The following ACSF3 variants were observed in gnomAD, a reference collection of about 807,000 sequenced individuals.
ACSF3 encodes the protein malonate--CoA ligase ACSF3, mitochondrial.
ACSF3 carries 78 observed loss-of-function variants against 53.2 expected under a neutral mutation model. The ratio of observed to expected loss-of-function variants is 1.47; its 90% CI spans 1.22 to 1.77. The LOEUF is 1.77. ACSF3 is among the 40% of genes most tolerant of loss of function. The pLI is 0.00. For missense variants in ACSF3, 937 were observed against 771.1 expected, an observed-to-expected ratio of 1.22 and a Z score of -2.55; for synonymous variants, 414 against 333.1, an observed-to-expected ratio of 1.24 and a Z score of -2.65.
chr16:89,093,867 T>G lies in ACSF3; in HGVS notation c.-323T>G, dbSNP rs985174563. ...CGGGGAAGCTGTTGGGCGCCGGAACTGGTCCGGCCCGACTCACGACCCCGC... is the reference window on the plus strand; with the variant it reads ...CGGGGAAGCTGTTGGGCGCCGGAACGGGTCCGGCCCGACTCACGACCCCGC... On this transcript the variant is annotated 5_prime_UTR_variant, in exon 1 of 11. Transcript: ENST00000614302. 10 of 285,788 alleles carry G rather than the reference T, an allele frequency of 3.5e-5. No homozygotes were observed. The highest frequency in any genetic ancestry group is 7.4e-5 in the Non-Finnish European group (10 of 135,150). 17.7% of individuals were successfully genotyped at this position (285,788 alleles called of 1,614,324 possible). A position where few individuals can be genotyped will look rare whatever the true frequency, so the allele number is the denominator to read the frequency against.
intron 5 of ACSF3, 171 bp from the exon 6 acceptor site, chr16:89,114,168 G>T: frequency 1.2e-6 from 1 of 813,404 alleles, no homozygotes; most frequent in Non-Finnish European, 2.0e-6. Flanking sequence ...TGCAGCGTTG[G>T]TCCCGGGTGT....
intron 7 of ACSF3, among the ~76,000 whole-genome samples, chr16:89,124,575 C>T (rs1272917425): frequency 5.9e-5 from 9 of 151,936 alleles, no homozygotes; most frequent in Non-Finnish European, 1.2e-4. Flanking sequence ...GATACCCATG[C>T]GCACACTGTG....
At position 89,114,488 on chromosome 16, in the gene ACSF3, G is replaced by T; in HGVS notation, c.1126+1G>T. 6.2e-7 allele frequency: 1 copy of T among 1,611,192 alleles called. No individual in the cohort carries two copies. ...CTGACCACTGCCGTGCGCCTGCCAGGTACGAGCACTTCCCACAGCTGCGTT... is the reference window on the plus strand; with the variant it reads ...CTGACCACTGCCGTGCGCCTGCCAGTTACGAGCACTTCCCACAGCTGCGTT... On this transcript the variant is annotated splice_donor_variant, in intron 6 of 10. Transcript: ENST00000614302. LOFTEE classifies it high-confidence loss of function.
chr16:89,109,751 C>G (rs1567697243), intron 4 of ACSF3, among the ~76,000 whole-genome samples: 1 of 151,986 alleles, frequency 6.6e-6, no homozygotes, highest in Non-Finnish European at 1.5e-5. Flanking sequence ...TTACTTTTTT[C>G]CTTTTAAATT....
At chr16:89,129,264 A>C (rs911037725) in intron 7 of ACSF3, among the ~76,000 whole-genome samples, 7 of 152,182 alleles carry the variant, frequency 4.6e-5, no homozygotes, top group African/African-American at 1.7e-4. Context: ...TCCAACTATA[A>C]CTGCCTGTTT....
At chr16:89,128,966 A>ATTT in intron 7 of ACSF3, among the ~76,000 whole-genome samples, 1 of 19,642 alleles carries the variant, frequency 5.1e-5, no homozygotes, top group African/African-American at 1.7e-4. Flanking sequence ...TCTCTACAAA[A>ATTT]AGTTGGAAAA....
intron 7 of ACSF3, among the ~76,000 whole-genome samples, chr16:89,123,327 A>T (rs982191793): frequency 3.3e-5 from 5 of 152,210 alleles, no homozygotes; most frequent in Non-Finnish European, 7.4e-5. Context: ...CCAGCATCAG[A>T]GACCTGCTGC....
At chr16:89,123,098 A>T (rs1907059270) in intron 7 of ACSF3, among the ~76,000 whole-genome samples, 1 of 152,136 alleles carries the variant, frequency 6.6e-6, no homozygotes, top group Admixed American at 6.5e-5. Flanking sequence ...AGGCCCGGGA[A>T]CATTTCCAGT....
At chr16:89,118,030 G>A (rs7500709) in intron 6 of ACSF3, among the ~76,000 whole-genome samples, 33 of 136,160 alleles carry the variant, frequency 2.4e-4, no homozygotes, top group Non-Finnish European at 3.5e-4. Context: ...CGCCAGGGAC[G>A]TTCCCTCTTC....
chr16:89,100,852 C>T lies in ACSF3; in HGVS notation c.171C>T (p.Ile57=), dbSNP rs147044602. 4.0e-5 allele frequency: 64 copies of T among 1,613,468 alleles called. No individual in the cohort carries two copies. The highest frequency in any genetic ancestry group is 2.0e-4 in the East Asian group (9 of 44,898). ...FTRALAFGDR[I]ALVDQHGRHT... ...GTGCCCTGGCCTTTGGGGACAGAAT[C>T]GCCCTGGTTGACCAGCACGGCCGCC... The change falls in exon 3 of 11, where the codon ATC becomes ATT. Residue 57 remains isoleucine, a synonymous_variant. Transcript: ENST00000614302.
In ACSF3 at chr16:89,155,364, A is replaced by T. The variant is rs770004268; in HGVS notation, c.*1157A>T. The T allele has an allele frequency of 1.2e-4, 55 of 451,270 alleles. 1 individual carries two copies. The highest frequency in any genetic ancestry group is 8.1e-4 in the South Asian group (52 of 64,434). 28.0% of individuals were successfully genotyped at this position (451,270 alleles called of 1,614,324 possible). Reference sequence around the variant, plus strand: ...CCCATCTCAGGCTCACGTGCCTCTGACAGGAGACCAGCCCCATCTCAGGCT... The same window carrying T: ...CCCATCTCAGGCTCACGTGCCTCTGTCAGGAGACCAGCCCCATCTCAGGCT... On this transcript the variant is annotated 3_prime_UTR_variant, in exon 11 of 11. Transcript: ENST00000614302.
In ACSF3 at chr16:89,101,281, C is replaced by T; in HGVS notation, c.600C>T (p.Ile200=). 1.2e-6 allele frequency: 2 copies of T among 1,602,744 alleles called. No individual in the cohort carries two copies. Among genetic ancestry groups the T allele is most frequent in the South Asian group, 2.2e-5 (2 of 89,692 alleles). ...QGWRNKGAMI[I]YTSGTTGRPK... ...GGAGGAACAAGGGCGCCATGATCATCTACACCAGTGGGACCACGGGGAGGC... is the reference window on the plus strand; with the variant it reads ...GGAGGAACAAGGGCGCCATGATCATTTACACCAGTGGGACCACGGGGAGGC... Residue 200 remains isoleucine, a synonymous_variant, in exon 3 of 11, where the codon ATC becomes ATT. Transcript: ENST00000614302.
At chr16:89,121,837 G>A (rs771755572) in intron 7 of ACSF3, among the ~76,000 whole-genome samples, 3 of 152,336 alleles carry the variant, frequency 2.0e-5, no homozygotes, top group Non-Finnish European at 2.9e-5. Flanking sequence ...ACATGACCAC[G>A]TGAGGGTTGG....
rs142447122 is a variant in ACSF3 at position 89,139,686 on chromosome 16, G to A, written c.1367-5581G>A. Among the ~76,000 whole-genome samples the A allele has an allele frequency of 5.3e-3, 788 of 149,322 alleles. 3 individuals are homozygous for A. Among genetic ancestry groups the A allele is most frequent in the African/African-American group, 0.018 (749 of 40,530 alleles). ...CGGCTCAGTGCAACCTCCGCCTTCCGGGTTCAAGCAATTCTCCTGCTTCAG... is the reference window on the plus strand; with the variant it reads ...CGGCTCAGTGCAACCTCCGCCTTCCAGGTTCAAGCAATTCTCCTGCTTCAG... On this transcript the variant is annotated intron_variant, in intron 8 of 10. Coordinates refer to ENST00000614302, the MANE Select transcript of ACSF3 (RefSeq NM_001243279.3).
At chr16:89,134,824 C>A (rs1230915204) in intron 8 of ACSF3, among the ~76,000 whole-genome samples, 1 of 152,194 alleles carries the variant, frequency 6.6e-6, no homozygotes, top group South Asian at 2.1e-4. Flanking sequence ...GGTCACCTTC[C>A]CAGCTAGGCT....
intron 8 of ACSF3, among the ~76,000 whole-genome samples, chr16:89,138,558 C>T (rs1250736277): frequency 1.3e-5 from 2 of 152,232 alleles, no homozygotes; most frequent in African/African-American, 4.8e-5. Context: ...CCCTTTCATC[C>T]GGCAGAGGGA....
At chr16:89,114,572 G>T in intron 6 of ACSF3, 85 bp downstream of exon 6, 1 of 1,581,464 alleles carries the variant, frequency 6.3e-7, no homozygotes, top group African/African-American at 1.3e-5. Flanking sequence ...ACCCACATTC[G>T]GACTGAAGGG....
chr16:89,149,980 A>G (rs1016161641), intron 10 of ACSF3: 2 of 152,220 alleles, frequency 1.3e-5, no homozygotes, highest in Non-Finnish European at 2.9e-5. Context: ...ATGGTAATTT[A>G]TAAAGAAAAG....
intron 5 of ACSF3, chr16:89,113,857 C>A: frequency 3.6e-6 from 1 of 279,602 alleles, no homozygotes; most frequent in Non-Finnish European, 7.1e-6. Context: ...TTGGGTGCCG[C>A]GGCCATTCAC....
Sources: allele counts gnomAD v4.1 joint callset (sites outside exome capture counted in the v4.1 genomes callset), GRCh38; gene constraint gnomAD v4.1.1; transcripts MANE v1.5; gene names NCBI Gene and HGNC (gene_info 2026-07-23, HGNC 2026-07-21).